L3HYPDH: variants seen among roughly 807,000 people sequenced by gnomAD.
L3HYPDH encodes the protein trans-3-hydroxy-L-proline dehydratase.
L3HYPDH carries 32 observed loss-of-function variants against 26.5 expected under a neutral mutation model. That is an observed-to-expected ratio of 1.21 (90% CI 0.91 to 1.62). The LOEUF (loss-of-function observed/expected upper bound fraction) is 1.62, where lower values mean the gene tolerates loss of function less well. Ranked by LOEUF, L3HYPDH falls within the 40% of genes most tolerant of loss-of-function variation. The pLI, the probability that L3HYPDH is intolerant of heterozygous loss-of-function variation, is 0.00. For missense variants in L3HYPDH, 554 were observed against 476.4 expected (o/e 1.16, Z -1.52); for synonymous variants, 215 against 196.6 (o/e 1.09, Z -0.78).
At chr14:59,480,636 A>G (rs17834111) in intron 1 of L3HYPDH, among the ~76,000 whole-genome samples, 5,274 of 152,336 alleles carry the variant, frequency 0.035, 155 homozygotes, top group Middle Eastern at 0.1. Flanking sequence ...TCATACAAAG[A>G]TATCAGTATG....
chr14:59,495,191 C>T, the L3HYPDH span: 2 of 1,613,040 alleles, frequency 1.2e-6, no homozygotes, highest in Non-Finnish European at 1.7e-6. Context: ...TACGTTACCA[C>T]AGTACACTGT....
chr14:59,483,868 T>C lies in L3HYPDH; in HGVS notation c.449A>G (p.Asp150Gly). The change falls in exon 1 of 5, where the codon GAC becomes GGC. Residue 150 changes from aspartate to glycine, a missense_variant. Physicochemically the swap from Asp to Gly is moderately conservative, Grantham distance 94. Coordinates refer to ENST00000247194, the MANE Select transcript of L3HYPDH (RefSeq NM_144581.2). ...GLVTAFVACE[D>G]GRSHGPVRFH... ...GCGCACCGGTCCGTGGCTGCGGCCGTCCTCGCATGCCACGAAGGCGGTCAC... is the reference window on the plus strand; with the variant it reads ...GCGCACCGGTCCGTGGCTGCGGCCGCCCTCGCATGCCACGAAGGCGGTCAC... 6.3e-7 allele frequency: 1 copy of C among 1,581,986 alleles called. No individual in the cohort carries two copies. The highest frequency in any genetic ancestry group is 1.1e-5 in the South Asian group (1 of 88,234).
chr14:59,488,605 A>T (rs755442076), upstream of L3HYPDH, among the ~76,000 whole-genome samples: 3 of 152,088 alleles, frequency 2.0e-5, no homozygotes, highest in Non-Finnish European at 4.4e-5. Context: ...TATAAAGGGG[A>T]GTAGGAAAGA....
At chr14:59,465,768 C>T (rs1188450914) in intron 1 of L3HYPDH, among the ~76,000 whole-genome samples, 3 of 152,160 alleles carry the variant, frequency 2.0e-5, no homozygotes, top group Non-Finnish European at 1.5e-5. Flanking sequence ...AGTCTACATC[C>T]AGACATCTTA....
chr14:59,496,644 T>C, the L3HYPDH span, among the ~76,000 whole-genome samples: 1 of 152,204 alleles, frequency 6.6e-6, no homozygotes, highest in Admixed American at 6.5e-5. Context: ...TGTAGCACTT[T>C]TTCTGCTGAT....
Position 59,484,126 on chromosome 14 carries a change from C to A in L3HYPDH, c.191G>T (p.Arg64Leu), listed in dbSNP as rs1890297453. ...MRQHLDHVRR[R>L]LMFEPRGHRD... ...GTGCCCTCGGGGCTCGAACATGAGC[C>A]GTCGCCGCACGTGGTCAAGGTGCTG... is the stretch of plus-strand genomic sequence containing the variant. Residue 64 changes from arginine to leucine, a missense_variant, in exon 1 of 5, where the codon CGG (arginine) becomes CTG (leucine). By Grantham distance (102) the Arg-to-Leu change is moderately radical. Transcript: ENST00000247194. 2 of 1,602,520 alleles carry A rather than the reference C, an allele frequency of 1.2e-6. No individual in the cohort carries two copies. Among genetic ancestry groups the A allele is most frequent in the Non-Finnish European group, 1.7e-6 (2 of 1,179,066 alleles).
chr14:59,467,352 A>G (rs779813656), intron 1 of L3HYPDH, among the ~76,000 whole-genome samples: 3 of 152,210 alleles, frequency 2.0e-5, no homozygotes, highest in African/African-American at 7.2e-5. Flanking sequence ...TATTGGGGCT[A>G]CCTTATGATG....
chr14:59,473,303 A>AAG lies in L3HYPDH; in HGVS notation c.940-215_940-214dup, dbSNP rs1026117972. Among the ~76,000 whole-genome samples, 7 of 152,330 alleles carry AAG rather than the reference A, an allele frequency of 4.6e-5. No individual in the cohort carries two copies. The East Asian group carries it at 7.7e-4, about 17-fold the overall frequency. ...GGATCAAACTGGAGAAGAGAGAGAC[A>AAG]AGAGACCCAGAAACATGTTAAGAGA... On this transcript the variant is annotated intron_variant, in intron 4 of 4. Coordinates refer to ENST00000247194, the MANE Select transcript of L3HYPDH (RefSeq NM_144581.2).
rs541372407 is a variant in L3HYPDH, at chr14:59,474,450, T to C, written c.940-1360A>G. The C allele has an allele frequency of 1.5e-5, 10 of 686,410 alleles. 1 individual carries two copies. The East Asian group carries it at 2.7e-4, about 19-fold the overall frequency. 42.5% of individuals were successfully genotyped at this position (686,410 alleles called of 1,614,324 possible). On this transcript the variant is annotated intron_variant, in intron 4 of 4. Transcript: ENST00000247194. ...ATCTACTTGCCAACCTGGACTTGTCTGAGTCATTCTTTGGTCTCTCGGCTC... is the reference window on the plus strand; with the variant it reads ...ATCTACTTGCCAACCTGGACTTGTCCGAGTCATTCTTTGGTCTCTCGGCTC...
chr14:59,474,381 A>T, intron 4 of L3HYPDH: 1 of 607,948 alleles, frequency 1.6e-6, no homozygotes, highest in Non-Finnish European at 2.9e-6. Flanking sequence ...ACAGTTGTTC[A>T]GCTGCTTCCC....
At chr14:59,495,510 T>TA in the L3HYPDH span, among the ~76,000 whole-genome samples, 7 of 152,208 alleles carry the variant, frequency 4.6e-5, no homozygotes, top group Non-Finnish European at 1.0e-4. Context: ...ATGGCATTAT[T>TA]ACAGTGTTTG....
chr14:59,481,699 T>A (rs1165904776), intron 1 of L3HYPDH, among the ~76,000 whole-genome samples: 4 of 152,046 alleles, frequency 2.6e-5, no homozygotes, highest in Admixed American at 2.6e-4. Flanking sequence ...ACAAGACAGA[T>A]TTTAAAATGC....
At chr14:59,487,348 C>T, upstream of L3HYPDH, 1 of 183,000 alleles carries the variant, frequency 5.5e-6, no homozygotes, top group Non-Finnish European at 1.1e-5. Context: ...GGTACCGTGT[C>T]TTGTACAGTA....
chr14:59,493,862 A>G, the L3HYPDH span, among the ~76,000 whole-genome samples: 4 of 152,216 alleles, frequency 2.6e-5, no homozygotes, highest in Admixed American at 1.3e-4. Flanking sequence ...AAATGGACTC[A>G]AGAAACAGAA....
chr14:59,486,892 C>G (rs1187154801), upstream of L3HYPDH: 2 of 930,344 alleles, frequency 2.1e-6, no homozygotes, highest in African/African-American at 3.4e-5. Context: ...TGTTATTATA[C>G]TCATTAATTT....
At chr14:59,496,011 C>G in the L3HYPDH span, among the ~76,000 whole-genome samples, 1 of 152,214 alleles carries the variant, frequency 6.6e-6, no homozygotes, top group Non-Finnish European at 1.5e-5. Flanking sequence ...TCAAGTGATT[C>G]TTGTGCCTCA....
At chr14:59,473,143 C>T in intron 4 of L3HYPDH, 53 bp from the exon 5 acceptor site, 1 of 1,514,266 alleles carries the variant, frequency 6.6e-7, no homozygotes, top group South Asian at 1.3e-5. Flanking sequence ...CGTATTATAT[C>T]TGGCTTGAAA....
the L3HYPDH span, among the ~76,000 whole-genome samples, chr14:59,494,816 T>C: frequency 3.3e-5 from 5 of 152,250 alleles, no homozygotes; most frequent in African/African-American, 1.2e-4. Context: ...AGGGTAGATA[T>C]AATTTCTGCT....
rs758199477 is a variant in L3HYPDH, at chr14:59,484,125, C to G, written c.192G>C (p.Arg64=). The part of the protein sequence containing the change: ...MRQHLDHVRR[R]LMFEPRGHRD... The stretch of plus-strand genomic sequence containing the variant: ...GGTGCCCTCGGGGCTCGAACATGAG[C>G]CGTCGCCGCACGTGGTCAAGGTGCT... The change falls in exon 1 of 5, where the codon CGG becomes CGC. Residue 64 remains arginine, a synonymous_variant. Transcript: ENST00000247194. 6.2e-7 allele frequency: 1 copy of G among 1,602,838 alleles called. No individual in the cohort carries two copies. Among genetic ancestry groups the G allele is most frequent in the South Asian group, 1.1e-5 (1 of 90,778 alleles).
Sources: allele counts gnomAD v4.1 joint callset (sites outside exome capture counted in the v4.1 genomes callset), GRCh38; gene constraint gnomAD v4.1.1; transcripts MANE v1.5; gene names NCBI Gene and HGNC (gene_info 2026-07-23, HGNC 2026-07-21).